Variants in GPAT3 observed in about 807,000 individuals in gnomAD.
GPAT3 encodes the protein 1-AGP acyltransferase 9.
A neutral mutation model predicts 58.8 loss-of-function variants in GPAT3; 53 were observed. The ratio of observed to expected loss-of-function variants is 0.90; its 90% CI spans 0.72 to 1.13. The LOEUF (loss-of-function observed/expected upper bound fraction) is 1.13. Among genes scored for constraint, GPAT3 ranks in the 50% most tolerant of loss-of-function variants. The probability of loss-of-function intolerance (pLI) is 0.00; values close to 1 mark genes in which losing one functional copy is unlikely to be tolerated. For missense variants in GPAT3, 511 were observed against 527.6 expected (o/e 0.97, Z 0.31); for synonymous variants, 197 against 187.4 (o/e 1.05, Z -0.42).
chr4:83,573,319 A>G (rs1030367794), intron 2 of GPAT3, among the ~76,000 whole-genome samples: 4 of 151,886 alleles, frequency 2.6e-5, no homozygotes, highest in Admixed American at 2.0e-4. Flanking sequence ...TTGTATTTTT[A>G]GTAGAGATGG....
At chr4:83,572,300 T>C (rs1725637057) in intron 2 of GPAT3, among the ~76,000 whole-genome samples, 1 of 152,190 alleles carries the variant, frequency 6.6e-6, no homozygotes. Flanking sequence ...GAGCAAATGG[T>C]TTATTAAAAT....
rs1351465982 is a variant in GPAT3, at chr4:83,536,773, G to A, written c.141+10G>A. The A allele has an allele frequency of 1.2e-6, 2 of 1,602,172 alleles. No homozygotes were observed. Among genetic ancestry groups the A allele is most frequent in the East Asian group, 2.2e-5 (1 of 44,728 alleles). On this transcript the variant is annotated intron_variant, in intron 1 of 11. Transcript: ENST00000264409. ...AGTGAAAACTTTAGAGGTGAGTGCC[G>A]GGAGGGATGCAGCCAGCCCCACACC...
At chr4:83,578,942 C>CTT (rs1560620429) in intron 2 of GPAT3, among the ~76,000 whole-genome samples, 2 of 3,762 alleles carry the variant, frequency 5.3e-4, no homozygotes, top group Non-Finnish European at 1.1e-3. Flanking sequence ...TCTTTCTTTT[C>CTT]TTTTCTTTTC....
intron 1 of GPAT3, among the ~76,000 whole-genome samples, chr4:83,543,783 G>A (rs904511794): frequency 6.6e-6 from 1 of 152,118 alleles, no homozygotes; most frequent in African/African-American, 2.4e-5. Context: ...TAGGATTACA[G>A]GCATGCGTCA....
intron 6 of GPAT3, 48 bp downstream of exon 6, chr4:83,590,340 T>C (rs369648161): frequency 8.3e-6 from 13 of 1,567,302 alleles, no homozygotes; most frequent in Non-Finnish European, 1.1e-5. Context: ...TTTTATGGAT[T>C]GATCAAACTT....
intron 2 of GPAT3, among the ~76,000 whole-genome samples, chr4:83,575,422 A>AT (rs1560618375): frequency 2.0e-5 from 3 of 150,784 alleles, no homozygotes; most frequent in East Asian, 2.0e-4. Flanking sequence ...TTATTTATTT[A>AT]TTTTTTTTGA....
intron 2 of GPAT3, among the ~76,000 whole-genome samples, chr4:83,547,115 G>A (rs903078616): frequency 8.6e-5 from 13 of 152,004 alleles, no homozygotes; most frequent in African/African-American, 3.1e-4. Context: ...TCACAGGCAG[G>A]CCAAGGACCC....
chr4:83,598,445 C>A, intron 10 of GPAT3, 199 bp from the exon 11 acceptor site: 1 of 701,464 alleles, frequency 1.4e-6, no homozygotes, highest in Non-Finnish European at 2.4e-6. Context: ...TAAATATATG[C>A]ACATGGTAAA....
chr4:83,575,745 A>G (rs1004876021), intron 2 of GPAT3, among the ~76,000 whole-genome samples: 17 of 152,196 alleles, frequency 1.1e-4, no homozygotes, highest in African/African-American at 3.9e-4. Flanking sequence ...ACCCATTTTC[A>G]GATATTGTGT....
At chr4:83,578,986 TTCCTTCCTTCC>T (rs1725946509) in intron 2 of GPAT3, among the ~76,000 whole-genome samples, 1 of 131,864 alleles carries the variant, frequency 7.6e-6, no homozygotes, top group African/African-American at 3.2e-5. Context: ...CTTTCTTTCT[TTCCTTCCTTCC>T]TTCCTTCCTT....
chr4:83,556,178 A>G (rs1041279407), intron 2 of GPAT3, among the ~76,000 whole-genome samples: 1 of 152,146 alleles, frequency 6.6e-6, no homozygotes, highest in Non-Finnish European at 1.5e-5. Context: ...GTGCTGTGGG[A>G]TTTCTTGTTT....
intron 5 of GPAT3, among the ~76,000 whole-genome samples, chr4:83,588,934 A>G (rs1298010996): frequency 6.6e-6 from 1 of 152,234 alleles, no homozygotes; most frequent in African/African-American, 2.4e-5. Flanking sequence ...AATTTTTTTT[A>G]GATTTAACAT....
At chr4:83,552,411 A>G (rs1259727699) in intron 2 of GPAT3, among the ~76,000 whole-genome samples, 1 of 152,210 alleles carries the variant, frequency 6.6e-6, no homozygotes, top group Non-Finnish European at 1.5e-5. Flanking sequence ...AGAAGAATGC[A>G]TTAGTGTATT....
intron 2 of GPAT3, among the ~76,000 whole-genome samples, chr4:83,545,855 G>A (rs1241919541): frequency 2.6e-5 from 4 of 152,068 alleles, no homozygotes; most frequent in Admixed American, 2.6e-4. Flanking sequence ...TGTTGTGCTT[G>A]GTGAGACTCT....
Position 83,597,432 on chromosome 4 carries a change from A to G in GPAT3, c.913A>G (p.Thr305Ala). ...CTCCTACCCTCACCCCCTTGCAGGAACTTGCATCAACAATACTTCAGTCAT... is the reference window on the plus strand; with the variant it reads ...CTCCTACCCTCACCCCCTTGCAGGAGCTTGCATCAACAATACTTCAGTCAT... ...KLPILIFPEG[T>A]CINNTSVMMF... Residue 305 changes from threonine (T) to alanine (A), a missense_variant and splice_region_variant, in exon 9 of 12, where the codon ACT becomes GCT. Physicochemically the swap from Thr to Ala is moderately conservative, Grantham distance 58 (BLOSUM62 0). Coordinates refer to ENST00000264409, the MANE Select transcript of GPAT3 (RefSeq NM_032717.5). 1 of 1,539,572 alleles carries G rather than the reference A, an allele frequency of 6.5e-7. No homozygotes were observed.
At chr4:83,551,879 T>C (rs917310688) in intron 2 of GPAT3, among the ~76,000 whole-genome samples, 7 of 150,802 alleles carry the variant, frequency 4.6e-5, no homozygotes, top group Admixed American at 6.6e-5. Context: ...GTATTTTTTT[T>C]CTTGTTAAAC....
intron 3 of GPAT3, among the ~76,000 whole-genome samples, chr4:83,586,889 C>G (rs955277613): frequency 1.3e-5 from 2 of 152,198 alleles, no homozygotes; most frequent in African/African-American, 4.8e-5. Flanking sequence ...TAAATCTATT[C>G]CCTTCACTAG....
At chr4:83,553,417 T>A (rs1350762596) in intron 2 of GPAT3, among the ~76,000 whole-genome samples, 2 of 152,204 alleles carry the variant, frequency 1.3e-5, no homozygotes, top group Non-Finnish European at 2.9e-5. Context: ...TTACCTCTAT[T>A]TTCAGTGAAA....
At chr4:83,580,832 C>T (rs1322341826) in intron 2 of GPAT3, among the ~76,000 whole-genome samples, 7 of 152,086 alleles carry the variant, frequency 4.6e-5, no homozygotes, top group Non-Finnish European at 1.0e-4. Context: ...CGTGGTGGCT[C>T]ACGCCTGTAA....
Sources: gnomAD v4.1 joint callset for allele counts (sites outside exome capture counted in the v4.1 genomes callset) on GRCh38, gnomAD v4.1.1 for gene constraint, MANE v1.5 for transcripts, NCBI Gene and HGNC (gene_info 2026-07-23, HGNC 2026-07-21) for gene names.